LZTFL1: variants seen among roughly 807,000 people sequenced by gnomAD.
LZTFL1 encodes leucine zipper transcription factor like 1.
In LZTFL1, 25 loss-of-function variants were observed where a neutral mutation model predicts 45.9. The ratio of observed to expected loss-of-function variants is 0.54; its 90% CI spans 0.40 to 0.76. The LOEUF (loss-of-function observed/expected upper bound fraction) is 0.76, where lower values mean the gene tolerates loss of function less well. LZTFL1 is among the 30% of genes least tolerant of loss of function. LZTFL1 has a pLI of 0.00. For synonymous variants in LZTFL1, 93 were observed against 117.4 expected, an observed-to-expected ratio of 0.79 and a Z score of 1.35; for missense variants, 277 against 331.1, an observed-to-expected ratio of 0.84 and a Z score of 1.27.
intron 2 of LZTFL1, among the ~76,000 whole-genome samples, chr3:45,836,134 G>A (rs1700960647): frequency 6.6e-6 from 1 of 151,934 alleles, no homozygotes. Flanking sequence ...AAAGTCACCC[G>A]GAAGGCATAG....
In LZTFL1 at chr3:45,901,417, T is replaced by C; in HGVS notation, c.-215+11703A>G. On this transcript the variant is annotated intron_variant, in intron 2 of 4. Coordinates refer to the LZTFL1 transcript ENST00000472635. The surrounding 1 kb of genome is among the most constrained non-coding windows in gnomAD (Gnocchi z 4.3). ...TACCCTAGCGATGAGAGCACCAAACTGAAGTCAGCTGTCTTGACCCTGAAG... is the reference window on the plus strand; with the variant it reads ...TACCCTAGCGATGAGAGCACCAAACCGAAGTCAGCTGTCTTGACCCTGAAG... The C allele has an allele frequency of 8.1e-6, 13 of 1,614,206 alleles. No individual in the cohort carries two copies. Among genetic ancestry groups the C allele is most frequent in the Non-Finnish European group, 1.1e-5 (13 of 1,180,028 alleles).
intron 2 of LZTFL1, chr3:45,897,673 GC>G: frequency 7.1e-7 from 1 of 1,413,540 alleles, no homozygotes. Context: ...CTTCCCACCT[GC>G]CCCCTCTCAT....
chr3:45,840,862 T>C (rs1323001054), intron 1 of LZTFL1, among the ~76,000 whole-genome samples: 2 of 152,232 alleles, frequency 1.3e-5, no homozygotes. Flanking sequence ...AGTTTAATAA[T>C]ACCTATCAGA....
intron 2 of LZTFL1, among the ~76,000 whole-genome samples, chr3:45,891,003 G>C (rs902679030): frequency 6.6e-6 from 1 of 152,198 alleles, no homozygotes; most frequent in Non-Finnish European, 1.5e-5. Context: ...GTTAAAAGTG[G>C]TTATTTTAGG....
intron 2 of LZTFL1, among the ~76,000 whole-genome samples, chr3:45,861,055 G>T (rs377672188): frequency 1.3e-5 from 2 of 152,034 alleles, no homozygotes; most frequent in East Asian, 3.9e-4. Context: ...TCAGCACAGG[G>T]TCGAAGTACA....
At chr3:45,858,576 G>A (rs1575273279) in intron 3 of LZTFL1, among the ~76,000 whole-genome samples, 1 of 152,134 alleles carries the variant, frequency 6.6e-6, no homozygotes, top group East Asian at 1.9e-4. Flanking sequence ...GTACTCATAT[G>A]CTCTATAAAC....
chr3:45,906,257 T>A (rs1247050215), intron 2 of LZTFL1, among the ~76,000 whole-genome samples: 1 of 152,188 alleles, frequency 6.6e-6, no homozygotes, highest in East Asian at 1.9e-4. Context: ...ATTCAGCAGA[T>A]ATGCTTGGGC....
intron 1 of LZTFL1, among the ~76,000 whole-genome samples, chr3:45,840,582 C>T (rs947724535): frequency 6.6e-6 from 1 of 152,132 alleles, no homozygotes; most frequent in Admixed American, 6.5e-5. Flanking sequence ...GTGGGGAAGT[C>T]AGAATTTGTT....
intron 2 of LZTFL1, among the ~76,000 whole-genome samples, chr3:45,908,868 T>C (rs1207697741): frequency 1.3e-5 from 2 of 152,202 alleles, no homozygotes; most frequent in Non-Finnish European, 2.9e-5. Context: ...CCACTACTGC[T>C]CTGTGGCCTG....
chr3:45,839,422 T>C (rs1169883936), intron 1 of LZTFL1, among the ~76,000 whole-genome samples: 1 of 152,162 alleles, frequency 6.6e-6, no homozygotes, highest in Non-Finnish European at 1.5e-5. Context: ...TCTATAGTAT[T>C]ACATTTACAC....
At chr3:45,905,391 AC>A (rs1265122498) in intron 2 of LZTFL1, among the ~76,000 whole-genome samples, 1 of 152,192 alleles carries the variant, frequency 6.6e-6, no homozygotes, top group Non-Finnish European at 1.5e-5. Context: ...TCTTTCTTTG[AC>A]TTTTATATTA....
At chr3:45,891,639 T>C (rs993985358) in intron 2 of LZTFL1, among the ~76,000 whole-genome samples, 4 of 152,128 alleles carry the variant, frequency 2.6e-5, no homozygotes, top group African/African-American at 4.8e-5. Context: ...TATCATCGAA[T>C]TCACAGCACC....
At chr3:45,895,098 T>A in intron 2 of LZTFL1, 1 of 860,672 alleles carries the variant, frequency 1.2e-6, no homozygotes, top group Non-Finnish European at 2.0e-6. Flanking sequence ...TGCGCATTGC[T>A]GGGTAGGTTG....
Position 45,823,659 on chromosome 3 carries a change from A to G in LZTFL1, c.*2655T>C, listed in dbSNP as rs1700596587. ...GTCAAAATATTATTGTCTAAATACT[A>G]CTGTTTTGTCTAAATGTGAAATATC... On this transcript the variant is annotated 3_prime_UTR_variant, in exon 10 of 10. Coordinates refer to ENST00000296135, the MANE Select transcript of LZTFL1 (RefSeq NM_020347.4). 6.6e-6 allele frequency: 1 copy of G among 152,178 alleles called. No homozygotes were observed. The allele number at this position is 152,178 out of a possible 1,614,324, so 9.4% of individuals were successfully genotyped here. A position where few individuals can be genotyped will look rare whatever the true frequency, so the allele number is the denominator to read the frequency against.
intron 1 of LZTFL1, chr3:45,841,732 C>G (rs1211475795): frequency 1.7e-6 from 1 of 583,292 alleles, no homozygotes; most frequent in Non-Finnish European, 3.1e-6. Context: ...CCAGCCCCCG[C>G]AGGCAGGAGA....
chr3:45,872,294 G>A (rs1309885457), intron 2 of LZTFL1, among the ~76,000 whole-genome samples: 1 of 152,202 alleles, frequency 6.6e-6, no homozygotes, highest in East Asian at 1.9e-4. Context: ...GGGCTGTGGT[G>A]TCGATCGAGT....
chr3:45,876,926 C>A (rs906957854), intron 2 of LZTFL1, among the ~76,000 whole-genome samples: 1 of 152,066 alleles, frequency 6.6e-6, no homozygotes, highest in Non-Finnish European at 1.5e-5. Flanking sequence ...GTAACTATTC[C>A]CCCAGCCTTC....
intron 2 of LZTFL1, among the ~76,000 whole-genome samples, chr3:45,881,495 C>G (rs1701859352): frequency 6.6e-6 from 1 of 152,078 alleles, no homozygotes; most frequent in Admixed American, 6.5e-5. Context: ...TGCGGGCCCC[C>G]TCCTCCTCTC....
intron 2 of LZTFL1, among the ~76,000 whole-genome samples, chr3:45,905,404 C>G (rs1702661062): frequency 6.6e-6 from 1 of 152,238 alleles, no homozygotes; most frequent in African/African-American, 2.4e-5. Context: ...TTTATATTAT[C>G]AAAGCCTAAA....
Sources: allele counts gnomAD v4.1 joint callset (sites outside exome capture counted in the v4.1 genomes callset), GRCh38; gene constraint gnomAD v4.1.1; non-coding constraint Gnocchi (gnomAD v3.1); transcripts MANE v1.5; gene names NCBI Gene and HGNC (gene_info 2026-07-23, HGNC 2026-07-21).